The following GART variants were observed in gnomAD, a reference collection of about 807,000 sequenced individuals.
The protein encoded by GART is phosphoribosylglycinamide formyltransferase, phosphoribosylglycinamide synthetase, phosphoribosylaminoimidazole synthetase.
In GART, 43 loss-of-function variants were observed where a neutral mutation model predicts 107.2. The ratio of observed to expected loss-of-function variants is 0.40; its 90% confidence interval spans 0.31 to 0.52. The LOEUF (loss-of-function observed/expected upper bound fraction) is 0.52. Among genes scored for constraint, GART ranks in the 20% least tolerant of loss-of-function variants. The pLI, the probability that GART is intolerant of heterozygous loss-of-function variation, is 0.52. For missense variants in GART, 1,107 were observed against 1,206.5 expected, an observed-to-expected ratio of 0.92 and a Z score of 1.22; for synonymous variants, 434 against 427.0, an observed-to-expected ratio of 1.02 and a Z score of -0.20.
chr21:33,505,076 G>A (rs1312041369), intron 20 of GART, among the ~76,000 whole-genome samples: 1 of 152,142 alleles, frequency 6.6e-6, no homozygotes, highest in East Asian at 1.9e-4. Flanking sequence ...CAAGGCTTTT[G>A]GGAAGAAGGC....
chr21:33,528,997 T>TAGACTTCTGGG, intron 7 of GART, 60 bp from the exon 8 acceptor site: 1 of 1,121,014 alleles, frequency 8.9e-7, no homozygotes, highest in Admixed American at 1.7e-5. Flanking sequence ...TAAGTAGTAT[T>TAGACTTCTGGG]ACATGGGACA....
Position 33,528,616 on chromosome 21 carries a change from A to ATT in GART, c.812-13_812-12insAA. ...AGCATAGAGAATACCTTCATTAAAAAAGAAAAAAAAAAAAAAGAGAGAAAG... is the reference window on the plus strand; with the variant it reads ...AGCATAGAGAATACCTTCATTAAAAATTAGAAAAAAAAAAAAAAGAGAGAAAG... On this transcript the variant is annotated splice_polypyrimidine_tract_variant and intron_variant, in intron 8 of 21. Transcript: ENST00000381815. The ATT allele has an allele frequency of 6.9e-7, 1 of 1,447,558 alleles. No homozygotes were observed. The highest frequency in any genetic ancestry group is 9.2e-7 in the Non-Finnish European group (1 of 1,081,512). 89.7% of individuals were successfully genotyped at this position (1,447,558 alleles called of 1,614,324 possible).
rs1601202967 is a variant in GART, at chr21:33,524,863, C to T, written c.1204G>A (p.Glu402Lys). 2 of 1,614,212 alleles carry T rather than the reference C, an allele frequency of 1.2e-6. No individual in the cohort carries two copies. The highest frequency in any genetic ancestry group is 1.7e-6 in the Non-Finnish European group (2 of 1,180,034). ...ATAGCAGCTAGTCCTTTCTTGGCTTCCTCAAGGGCTGATATGAGATTTTCC... is the reference window on the plus strand; with the variant it reads ...ATAGCAGCTAGTCCTTTCTTGGCTTTCTCAAGGGCTGATATGAGATTTTCC... ...IRENLISALE[E>K]AKKGLAAIKF... Residue 402 changes from glutamate to lysine, a missense_variant, in exon 11 of 22, where the codon GAA becomes AAA. By Grantham distance (56) the Glu-to-Lys change is moderately conservative. Transcript: ENST00000381815.
At chr21:33,539,431 G>A in intron 1 of GART, 75 bp from the exon 2 acceptor site, 1 of 1,121,558 alleles carries the variant, frequency 8.9e-7, no homozygotes. Context: ...AGTGGCTCAT[G>A]CCTGTACCCC....
At chr21:33,535,892 G>T (rs1489848041) in intron 2 of GART, among the ~76,000 whole-genome samples, 2 of 152,076 alleles carry the variant, frequency 1.3e-5, no homozygotes, top group Non-Finnish European at 2.9e-5. Context: ...GCTGGGTGTG[G>T]GGGCATGCAC....
chr21:33,537,228 G>A (rs1320522794), intron 2 of GART, among the ~76,000 whole-genome samples: 2 of 152,162 alleles, frequency 1.3e-5, no homozygotes, highest in African/African-American at 4.8e-5. Flanking sequence ...CAGATAAACT[G>A]TCCTAGTTCT....
chr21:33,516,887 C>G, intron 16 of GART, 102 bp downstream of exon 16: 2 of 999,968 alleles, frequency 2.0e-6, no homozygotes, highest in Non-Finnish European at 2.9e-6. Context: ...TAAGAATTTT[C>G]CATGTGTAAT....
At chr21:33,533,605 T>C (rs2085240916) in intron 4 of GART, among the ~76,000 whole-genome samples, 1 of 151,688 alleles carries the variant, frequency 6.6e-6, no homozygotes, top group Non-Finnish European at 1.5e-5. Flanking sequence ...GCCACTGCGT[T>C]TGTCAATCTG....
intron 10 of GART, among the ~76,000 whole-genome samples, chr21:33,526,405 C>T (rs13052087): frequency 0.18 from 27,743 of 152,120 alleles, 3,101 homozygotes; most frequent in Non-Finnish European, 0.24. Context: ...AACTCCTGAC[C>T]TCAAGTGATC....
Position 33,511,286 on chromosome 21 carries a change from G to T in GART, c.2280C>A (p.Ala760=). 1 of 1,614,156 alleles carries T rather than the reference G, an allele frequency of 6.2e-7. No individual in the cohort carries two copies. Among genetic ancestry groups the T allele is most frequent in the Non-Finnish European group, 8.5e-7 (1 of 1,180,036 alleles). Residue 760 remains alanine, a synonymous_variant, in exon 17 of 22, where the codon GCC becomes GCA. Coordinates refer to ENST00000381815, the MANE Select transcript of GART (RefSeq NM_000819.5). ...GTGCAACCACACTGCCAATCACCCAGGCTTCTTCCTTGTGCTGCTGGATAT... is the reference window on the plus strand; with the variant it reads ...GTGCAACCACACTGCCAATCACCCATGCTTCTTCCTTGTGCTGCTGGATAT... ...LRDIQQHKEE[A]WVIGSVVARA...
intron 2 of GART, among the ~76,000 whole-genome samples, chr21:33,536,220 G>A (rs2085302063): frequency 6.6e-6 from 1 of 152,186 alleles, no homozygotes; most frequent in Non-Finnish European, 1.5e-5. Flanking sequence ...CTTTGGGGCA[G>A]AGCTGTTTAA....
intron 4 of GART, 104 bp from the exon 5 acceptor site, chr21:33,532,560 G>C: frequency 1.2e-6 from 1 of 826,672 alleles, no homozygotes; most frequent in South Asian, 1.5e-5. Context: ...TGACTGAAAA[G>C]CAGAAAGAAA....
At chr21:33,516,724 A>T (rs1378198044) in intron 16 of GART, among the ~76,000 whole-genome samples, 1 of 152,154 alleles carries the variant, frequency 6.6e-6, no homozygotes, top group Non-Finnish European at 1.5e-5. Context: ...TAGAGCTTGA[A>T]GTTACCAATC....
intron 5 of GART, chr21:33,531,878 T>C (rs371158532): frequency 2.0e-5 from 6 of 301,082 alleles, no homozygotes; most frequent in East Asian, 1.3e-4. Flanking sequence ...CTTCCGATTA[T>C]AATTATACAT....
In GART at chr21:33,517,044, T is replaced by A. The variant is rs1318890053; in HGVS notation, c.2052A>T (p.Gly684=). Residue 684 remains glycine (G), a synonymous_variant, in exon 16 of 22, where the codon GGA becomes GGT. Coordinates refer to ENST00000381815, the MANE Select transcript of GART (RefSeq NM_000819.5). ...HVKAFAHITG[G]GLLENIPRVL... ...CTCTGGGGATGTTCTCTAGTAATCC[T>A]CCACCAGTAATATGGGCAAAGGCTT... The A allele has an allele frequency of 1.1e-5, 17 of 1,613,900 alleles. No homozygotes were observed. The South Asian group carries it at 1.9e-4, about 18-fold the overall frequency.
chr21:33,542,716 C>A (rs1326215375), upstream of GART: 3 of 200,238 alleles, frequency 1.5e-5, no homozygotes, highest in Non-Finnish European at 3.1e-5. Flanking sequence ...TGCTCTTCTT[C>A]CTCTTCGCCT....
chr21:33,526,315 C>A (rs549499575), intron 10 of GART, among the ~76,000 whole-genome samples: 3 of 152,172 alleles, frequency 2.0e-5, no homozygotes, highest in Admixed American at 6.5e-5. Flanking sequence ...GGATTATAGG[C>A]ATGCACCACC....
In GART at chr21:33,517,011, A is replaced by T. The variant is rs1395211236; in HGVS notation, c.2085T>A (p.Pro695=). ...TACCTAAATCTACCCCAAGTTTCTC[A>T]GGGAGGACTCTGGGGATGTTCTCTA... The part of the protein sequence containing the change: ...GLLENIPRVL[P]EKLGVDLDAQ... Residue 695 remains proline, a synonymous_variant, in exon 16 of 22, where the codon CCT becomes CCA. Transcript: ENST00000381815. 6.2e-7 allele frequency: 1 copy of T among 1,605,216 alleles called. No individual in the cohort carries two copies. Among genetic ancestry groups the T allele is most frequent in the Non-Finnish European group, 8.5e-7 (1 of 1,177,718 alleles).
At chr21:33,540,418 A>G (rs1440352538) in intron 1 of GART, among the ~76,000 whole-genome samples, 1 of 152,204 alleles carries the variant, frequency 6.6e-6, no homozygotes, top group Non-Finnish European at 1.5e-5. Flanking sequence ...TCAATCATTC[A>G]TATTTGGTGA....
Sources: allele counts gnomAD v4.1 joint callset (sites outside exome capture counted in the v4.1 genomes callset), GRCh38; gene constraint gnomAD v4.1.1; transcripts MANE v1.5; gene names NCBI Gene and HGNC (gene_info 2026-07-23, HGNC 2026-07-21).